Variants in SYT7 observed in about 807,000 individuals in gnomAD.
SYT7 encodes synaptotagmin 7, also known as synaptotagmin-7.
In SYT7, 29 loss-of-function variants were observed where a neutral mutation model predicts 75.1. The ratio of observed to expected loss-of-function variants is 0.39; its 90% CI spans 0.29 to 0.53. The LOEUF is 0.53. SYT7 is among the 20% of genes least tolerant of loss of function. SYT7 has a pLI of 0.77. For synonymous variants in SYT7, 376 were observed against 401.7 expected (o/e 0.94, Z 0.76); for missense variants, 693 against 953.2 (o/e 0.73, Z 3.59).
rs952782352 is a variant in SYT7, at chr11:61,576,271, C to T, written c.31+4519G>A. ...GGAAGGTCAGGGACCTCCATGCCCA[C>T]GGAACTGGCAGAATTCACCTGGCAT... On this transcript the variant is annotated intron_variant, in intron 1 of 12. Coordinates refer to ENST00000539008, the MANE Select transcript of SYT7 (RefSeq NM_001365809.2). This position sits in a 1 kb window ranked among gnomAD's most constrained non-coding sequence, Gnocchi z 4.1. Among the ~76,000 whole-genome samples, 12 of 152,240 alleles carry T rather than the reference C, an allele frequency of 7.9e-5. No individual in the cohort carries two copies. The highest frequency in any genetic ancestry group is 1.4e-4 in the African/African-American group (6 of 41,458).
At chr11:61,541,548 C>T (rs531599611) in intron 6 of SYT7, among the ~76,000 whole-genome samples, 2 of 152,266 alleles carry the variant, frequency 1.3e-5, no homozygotes, top group African/African-American at 4.8e-5. Context: ...AATTTAGAAA[C>T]AACCTTTTCT....
At chr11:61,519,408 TTAAGAG>T (rs1377910602) in intron 12 of SYT7, among the ~76,000 whole-genome samples, 1 of 152,144 alleles carries the variant, frequency 6.6e-6, no homozygotes, top group Admixed American at 6.5e-5. Context: ...TTGGGGGTGA[TTAAGAG>T]TATGAGCATT....
chr11:61,536,429 TG>T (rs1215007336), intron 7 of SYT7, among the ~76,000 whole-genome samples: 23 of 152,324 alleles, frequency 1.5e-4, no homozygotes, highest in Admixed American at 1.2e-3. Flanking sequence ...AGCTTCTTAG[TG>T]GGCGTTCAGA....
intron 6 of SYT7, among the ~76,000 whole-genome samples, chr11:61,538,639 C>T (rs2062953274): frequency 6.6e-6 from 1 of 152,004 alleles, no homozygotes; most frequent in Non-Finnish European, 1.5e-5. Flanking sequence ...TGGGACAGTC[C>T]CAAGGGAACA....
chr11:61,535,244 C>T (rs571425906), intron 7 of SYT7, among the ~76,000 whole-genome samples: 2 of 152,206 alleles, frequency 1.3e-5, no homozygotes, highest in African/African-American at 2.4e-5. Flanking sequence ...CGAAGGCTGC[C>T]GGGTGGACGA....
At chr11:61,522,626 A>G (rs965122779) in intron 12 of SYT7, among the ~76,000 whole-genome samples, 1 of 152,228 alleles carries the variant, frequency 6.6e-6, no homozygotes, top group South Asian at 2.1e-4. Context: ...CACTTGCCCA[A>G]GGTGATATGG....
At position 61,547,274 on chromosome 11, in the gene SYT7, T is replaced by C; in HGVS notation, c.250A>G (p.Ser84Gly). The C allele has an allele frequency of 1.3e-6, 2 of 1,535,738 alleles. No individual in the cohort carries two copies. The highest frequency in any genetic ancestry group is 1.7e-6 in the Non-Finnish European group (2 of 1,146,666). The stretch of plus-strand genomic sequence containing the variant: ...GAGCTCCATTTCTGCTGCACTGTGC[T>C]CTCATTGTTATTCCAAAAGTCTCTG... ...LDRDFWNNNE[S>G]TVQQKWSSYP... The change falls in exon 4 of 13, where the codon AGC becomes GGC. Residue 84 changes from serine (S) to glycine (G), a missense_variant. Transcript: ENST00000539008.
chr11:61,568,613 T>C (rs1185885633), intron 1 of SYT7, among the ~76,000 whole-genome samples: 1 of 151,796 alleles, frequency 6.6e-6, no homozygotes, highest in Admixed American at 6.6e-5. Flanking sequence ...CATGGGAGAG[T>C]GTATCCATCT....
At chr11:61,564,863 CAATA>C (rs749132309) in intron 1 of SYT7, among the ~76,000 whole-genome samples, 1 of 152,190 alleles carries the variant, frequency 6.6e-6, no homozygotes, top group Non-Finnish European at 1.5e-5. Context: ...GAAGCACCCT[CAATA>C]GATAGAGTCT....
intron 8 of SYT7, 50 bp downstream of exon 8, chr11:61,532,938 CT>C (rs2062753921): frequency 1.2e-6 from 2 of 1,603,810 alleles, no homozygotes; most frequent in Non-Finnish European, 8.5e-7. Flanking sequence ...CTTCCTGCCC[CT>C]GGCCTCCCAG....
intron 7 of SYT7, among the ~76,000 whole-genome samples, chr11:61,536,841 G>A (rs2062883687): frequency 6.6e-6 from 1 of 152,204 alleles, no homozygotes; most frequent in South Asian, 2.1e-4. Context: ...GCCTGGGACA[G>A]TCCCTTCTGG....
chr11:61,547,473 C>T (rs1407565580), intron 3 of SYT7, among the ~76,000 whole-genome samples, 165 bp from the exon 4 acceptor site: 1 of 152,180 alleles, frequency 6.6e-6, no homozygotes, highest in Non-Finnish European at 1.5e-5. Flanking sequence ...GCGGGCACCG[C>T]AGTCTGTGCC....
chr11:61,548,401 G>A lies in SYT7; in HGVS notation c.216-1093C>T, dbSNP rs113225273. The stretch of plus-strand genomic sequence containing the variant: ...GGGGTGGGTGGCAGAAGCCTTGGCC[G>A]GTGGAGGGCATGGCCTGGAAACCCT... On this transcript the variant is annotated intron_variant, in intron 3 of 12. Transcript: ENST00000539008. 9.4e-3 allele frequency among the ~76,000 whole-genome samples: 1,432 copies of A among 152,290 alleles called. 22 individuals are homozygous for A. Among genetic ancestry groups the A allele is most frequent in the African/African-American group, 0.033 (1,372 of 41,544 alleles).
intron 1 of SYT7, among the ~76,000 whole-genome samples, chr11:61,565,561 C>T (rs1817235040): frequency 6.6e-6 from 1 of 152,190 alleles, no homozygotes; most frequent in South Asian, 2.1e-4. Context: ...GCCAGCTCTT[C>T]TCTTGCAAGA....
At chr11:61,564,824 C>A (rs2063725377) in intron 1 of SYT7, among the ~76,000 whole-genome samples, 1 of 152,240 alleles carries the variant, frequency 6.6e-6, no homozygotes, top group Non-Finnish European at 1.5e-5. Flanking sequence ...CTCCTTCCCC[C>A]ATCCACTGGC....
chr11:61,542,104 G>A lies in SYT7; in HGVS notation c.941+107C>T. On this transcript the variant is annotated intron_variant, in intron 6 of 12. Coordinates refer to ENST00000539008, the MANE Select transcript of SYT7 (RefSeq NM_001365809.2). The surrounding 1 kb of genome is among the most constrained non-coding windows in gnomAD (Gnocchi z 7.8). ...AGTCTGCTTGGCACCCTGCCAAGGG[G>A]ATGGAGGGCCGGGAGGTACACACAA... The A allele has an allele frequency of 7.1e-7, 1 of 1,403,572 alleles. No homozygotes were observed. Among genetic ancestry groups the A allele is most frequent in the Non-Finnish European group, 9.4e-7 (1 of 1,066,818 alleles). 86.9% of individuals were successfully genotyped at this position (1,403,572 alleles called of 1,614,324 possible).
In SYT7 at chr11:61,515,086, A is replaced by T. The variant is rs1196494742; in HGVS notation, c.*3541T>A. Among the ~76,000 whole-genome samples, 1 of 152,160 alleles carries T rather than the reference A, an allele frequency of 6.6e-6. No homozygotes were observed. Among genetic ancestry groups the T allele is most frequent in the African/African-American group, 2.4e-5 (1 of 41,428 alleles). ...CCTTGTGTCAGGCCTGATCTGGGAG[A>T]TGTAGCTGCCTCTCTGCTTTCTGGG... On this transcript the variant is annotated 3_prime_UTR_variant, in exon 13 of 13. Coordinates refer to ENST00000539008, the MANE Select transcript of SYT7 (RefSeq NM_001365809.2).
At chr11:61,539,369 A>C (rs1272541850) in intron 6 of SYT7, 2 of 152,096 alleles carry the variant, frequency 1.3e-5, no homozygotes, top group African/African-American at 4.8e-5. Flanking sequence ...GGTTACCCGC[A>C]TTTGCCAGGG....
chr11:61,585,526 C>T (rs995741564), upstream of SYT7, among the ~76,000 whole-genome samples: 2 of 152,136 alleles, frequency 1.3e-5, no homozygotes, highest in African/African-American at 4.8e-5. Context: ...CCTAGACTTC[C>T]CCTTCCTCCT....
Sources: gnomAD v4.1 joint callset for allele counts (sites outside exome capture counted in the v4.1 genomes callset) on GRCh38, gnomAD v4.1.1 for gene constraint, Gnocchi (gnomAD v3.1) non-coding constraint, MANE v1.5 for transcripts, NCBI Gene and HGNC (gene_info 2026-07-23, HGNC 2026-07-21) for gene names.